CSMD1: variants seen among roughly 807,000 people sequenced by gnomAD.
CSMD1 encodes the protein CUB and Sushi multiple domains 1, also known as CUB and sushi domain-containing protein 1.
Under a neutral mutation model 417.5 loss-of-function variants are expected in CSMD1, and 213 were observed. The observed-to-expected ratio is 0.51, with a 90% CI of 0.46 to 0.57. The LOEUF (loss-of-function observed/expected upper bound fraction) is 0.57, where lower values mean the gene tolerates loss of function less well. Ranked by LOEUF, CSMD1 falls within the 20% of genes least tolerant of loss-of-function variation. The pLI is 0.00. For missense variants in CSMD1, 6,923 were observed against 4,529.7 expected (o/e 1.53, Z -15.17); for synonymous variants, 2,862 against 1,736.8 (o/e 1.65, Z -16.11).
At chr8:3,940,573 G>C (rs2627523) in intron 5 of CSMD1, among the ~76,000 whole-genome samples, 4 of 148,962 alleles carry the variant, frequency 2.7e-5, no homozygotes, top group Admixed American at 1.3e-4. Context: ...GTGGATATAG[G>C]TATTCAAGAA....
intron 5 of CSMD1, among the ~76,000 whole-genome samples, chr8:3,985,339 G>T (rs920380517): frequency 6.6e-6 from 1 of 152,130 alleles, no homozygotes; most frequent in African/African-American, 2.4e-5. Context: ...TCGTTTATTA[G>T]GGTTACAGAT....
chr8:3,693,489 G>GGGA (rs1800368083), intron 7 of CSMD1, among the ~76,000 whole-genome samples: 1 of 152,122 alleles, frequency 6.6e-6, no homozygotes, highest in Admixed American at 6.5e-5. Flanking sequence ...GTCAAATTAT[G>GGGA]GCAGCAGGCA....
At chr8:3,526,876 A>T (rs1043493914) in intron 10 of CSMD1, among the ~76,000 whole-genome samples, 1 of 152,174 alleles carries the variant, frequency 6.6e-6, no homozygotes, top group Admixed American at 6.5e-5. Context: ...TTGGAGAGGT[A>T]AAGTGCTAGT....
At chr8:4,638,094 A>G (rs183984724) in intron 1 of CSMD1, among the ~76,000 whole-genome samples, 2 of 152,196 alleles carry the variant, frequency 1.3e-5, no homozygotes, top group South Asian at 4.1e-4. Flanking sequence ...TTTTGTAACT[A>G]ATATTAGAAG....
intron 3 of CSMD1, among the ~76,000 whole-genome samples, chr8:4,127,409 A>G (rs571143956): frequency 1.9e-4 from 29 of 150,532 alleles, no homozygotes; most frequent in African/African-American, 7.1e-4. Context: ...GAAAATCTAA[A>G]CCAACCACCT....
chr8:4,399,236 C>A (rs928095094), intron 3 of CSMD1, among the ~76,000 whole-genome samples: 2 of 152,248 alleles, frequency 1.3e-5, no homozygotes, highest in East Asian at 1.9e-4. Context: ...ACCGTATTTC[C>A]CCTTGTGTGT....
At chr8:4,058,859 C>A (rs186557823) in intron 3 of CSMD1, among the ~76,000 whole-genome samples, 1,983 of 151,668 alleles carry the variant, frequency 0.013, 40 homozygotes, top group African/African-American at 0.045. Flanking sequence ...TTTAACACAC[C>A]ACTGTCAACA....
chr8:4,431,806 G>A (rs1279917045), intron 2 of CSMD1, among the ~76,000 whole-genome samples: 1 of 151,490 alleles, frequency 6.6e-6, no homozygotes, highest in Non-Finnish European at 1.5e-5. Flanking sequence ...TTAATAAGTT[G>A]GTAACATACA....
intron 1 of CSMD1, among the ~76,000 whole-genome samples, chr8:4,897,080 G>T (rs1187750413): frequency 6.6e-6 from 1 of 151,998 alleles, no homozygotes; most frequent in Non-Finnish European, 1.5e-5. Flanking sequence ...CCTTTCCTGA[G>T]TGCCTACAAT....
intron 1 of CSMD1, among the ~76,000 whole-genome samples, chr8:4,902,161 G>C (rs1007928814): frequency 1.3e-5 from 2 of 152,012 alleles, no homozygotes; most frequent in Admixed American, 6.6e-5. Flanking sequence ...TGTCAACCCA[G>C]CTTTTTGGGA....
chr8:3,253,429 G>T (rs1404745993), intron 26 of CSMD1, among the ~76,000 whole-genome samples: 1 of 152,164 alleles, frequency 6.6e-6, no homozygotes, highest in East Asian at 1.9e-4. Context: ...TACATTTGCT[G>T]AGGAGTGCTT....
chr8:3,108,577 A>C, intron 44 of CSMD1, 26 bp downstream of exon 44: 2 of 1,611,368 alleles, frequency 1.2e-6, no homozygotes, highest in Non-Finnish European at 1.7e-6. Context: ...TCTCAGTCTT[A>C]ACTAACGGAG....
intron 5 of CSMD1, among the ~76,000 whole-genome samples, chr8:3,879,667 A>G (rs761881636): frequency 6.6e-6 from 1 of 152,172 alleles, no homozygotes; most frequent in African/African-American, 2.4e-5. Context: ...AGACACCAAT[A>G]TTTCTTGACG....
chr8:4,330,782 T>A lies in CSMD1; in HGVS notation c.415+89171A>T, dbSNP rs1312503735. On this transcript the variant is annotated intron_variant, in intron 3 of 69. Coordinates refer to ENST00000635120, the MANE Select transcript of CSMD1 (RefSeq NM_033225.6). The stretch of plus-strand genomic sequence containing the variant: ...TGCGGCATCTCCTCCCTACTTATCA[T>A]TTCTTTCCCTATCTATCTTCTGAAG... Among the ~76,000 whole-genome samples, 4 of 152,072 alleles carry A rather than the reference T, an allele frequency of 2.6e-5. No homozygotes were observed. The South Asian group carries it at 8.3e-4, about 32-fold the overall frequency.
At chr8:4,180,464 T>C (rs1178608747) in intron 3 of CSMD1, among the ~76,000 whole-genome samples, 8 of 148,912 alleles carry the variant, frequency 5.4e-5, no homozygotes, top group Admixed American at 6.7e-5. Context: ...CATTAGGAGA[T>C]ATGCCTAATG....
chr8:3,074,536 C>G (rs577955517), intron 49 of CSMD1, among the ~76,000 whole-genome samples: 1 of 152,152 alleles, frequency 6.6e-6, no homozygotes, highest in Non-Finnish European at 1.5e-5. Context: ...TTGGATTACC[C>G]GAAGATCAGT....
intron 12 of CSMD1, among the ~76,000 whole-genome samples, chr8:3,440,062 T>C (rs138947795): frequency 1.0e-3 from 153 of 152,334 alleles, no homozygotes; most frequent in African/African-American, 3.2e-3. Flanking sequence ...TGGAGCTATA[T>C]AATATGCAGT....
chr8:4,021,106 T>C (rs1005370322), intron 4 of CSMD1, among the ~76,000 whole-genome samples: 1 of 152,148 alleles, frequency 6.6e-6, no homozygotes, highest in African/African-American at 2.4e-5. Flanking sequence ...ATACAACAAG[T>C]TTAAAGTTGA....
intron 3 of CSMD1, among the ~76,000 whole-genome samples, chr8:4,074,927 C>A (rs989015268): frequency 2.0e-5 from 3 of 152,096 alleles, no homozygotes; most frequent in Admixed American, 2.0e-4. Flanking sequence ...AGGCACCACA[C>A]TTTGAATTTA....
Sources: gnomAD v4.1 joint callset for allele counts (sites outside exome capture counted in the v4.1 genomes callset) on GRCh38, gnomAD v4.1.1 for gene constraint, MANE v1.5 for transcripts, NCBI Gene and HGNC (gene_info 2026-07-23, HGNC 2026-07-21) for gene names.